SIM1: variants seen among roughly 807,000 people sequenced by gnomAD.
The protein encoded by SIM1 is SIM bHLH transcription factor 1, also known as single-minded homolog 1.
A neutral mutation model predicts 78.2 loss-of-function variants in SIM1; 18 were observed. That is an observed-to-expected ratio of 0.23 (90% CI 0.16 to 0.34). The LOEUF is 0.34. Ranked by LOEUF, SIM1 falls within the 10% of genes least tolerant of loss-of-function variation. The pLI is 1.00. For synonymous variants in SIM1, 417 were observed against 385.2 expected (o/e 1.08, Z -0.97); for missense variants, 939 against 975.1 (o/e 0.96, Z 0.49).
chr6:100,396,276 A>G (rs1770764457), intron 10 of SIM1, among the ~76,000 whole-genome samples: 1 of 152,018 alleles, frequency 6.6e-6, no homozygotes, highest in Non-Finnish European at 1.5e-5. Flanking sequence ...GGAGTTGCCC[A>G]GATTCTGCTT....
chr6:100,449,284 G>T, intron 6 of SIM1, 79 bp downstream of exon 6: 1 of 1,215,794 alleles, frequency 8.2e-7, no homozygotes, highest in Non-Finnish European at 1.2e-6. Context: ...CCAGAGGTAG[G>T]GACATTCCTC....
At chr6:100,394,581 C>A (rs532948728) in intron 10 of SIM1, among the ~76,000 whole-genome samples, 2 of 151,998 alleles carry the variant, frequency 1.3e-5, no homozygotes, top group Admixed American at 6.5e-5. Context: ...TTTTTAAATT[C>A]TTTGGTAGAG....
rs201709438 is a variant in SIM1 at position 100,424,565 on chromosome 6, T to C, written c.999-3607A>G. On this transcript the variant is annotated intron_variant, in intron 9 of 11. Transcript: ENST00000369208. ...ATCCTCCCACCTCAGCCTCCCAAGT[T>C]GCTGGGACTACAGGCATGCACCACC... is the stretch of plus-strand genomic sequence containing the variant. Among the ~76,000 whole-genome samples, 27 of 152,068 alleles carry C rather than the reference T, an allele frequency of 1.8e-4. No homozygotes were observed. The East Asian group carries it at 4.8e-3, about 27-fold the overall frequency.
chr6:100,441,543 T>C (rs766550606), intron 9 of SIM1, among the ~76,000 whole-genome samples: 3 of 152,222 alleles, frequency 2.0e-5, no homozygotes, highest in Non-Finnish European at 4.4e-5. Context: ...CTCTTTTGTT[T>C]AGCAAAAACA....
rs774727863 is a variant in SIM1 at position 100,453,744 on chromosome 6, G to A, written c.258+18C>T. ...GACCCTCAAAGCTTATGTGTTGCCGGAAGACCTGCACCTGTACCTGGAGCA... is the reference window on the plus strand; with the variant it reads ...GACCCTCAAAGCTTATGTGTTGCCGAAAGACCTGCACCTGTACCTGGAGCA... On this transcript the variant is annotated intron_variant, in intron 3 of 11. Coordinates refer to ENST00000369208, the MANE Select transcript of SIM1 (RefSeq NM_005068.3). 6.3e-7 allele frequency: 1 copy of A among 1,597,596 alleles called. No individual in the cohort carries two copies. The highest frequency in any genetic ancestry group is 1.1e-5 in the South Asian group (1 of 89,624).
At chr6:100,408,190 T>C (rs899005805) in intron 10 of SIM1, among the ~76,000 whole-genome samples, 2 of 152,100 alleles carry the variant, frequency 1.3e-5, no homozygotes, top group African/African-American at 4.8e-5. Flanking sequence ...CCCAGCACAA[T>C]TTATTGAAAA....
At chr6:100,401,989 G>A (rs1355875266) in intron 10 of SIM1, among the ~76,000 whole-genome samples, 1 of 152,158 alleles carries the variant, frequency 6.6e-6, no homozygotes, top group African/African-American at 2.4e-5. Flanking sequence ...CATTTCATAT[G>A]ACTTGTGCAA....
intron 10 of SIM1, among the ~76,000 whole-genome samples, chr6:100,406,040 A>G (rs1562236676): frequency 6.6e-6 from 1 of 152,246 alleles, no homozygotes; most frequent in Non-Finnish European, 1.5e-5. Context: ...TCAGGTAACA[A>G]TAAATTAGAA....
In SIM1 at chr6:100,385,861, G is replaced by C. The variant is rs1221816904; in HGVS notation, c.*4500C>G. 1.3e-5 allele frequency: 2 copies of C among 151,852 alleles called. No homozygotes were observed. Among genetic ancestry groups the C allele is most frequent in the African/African-American group, 4.8e-5 (2 of 41,354 alleles). 9.4% of individuals were successfully genotyped at this position (151,852 alleles called of 1,614,324 possible). On this transcript the variant is annotated 3_prime_UTR_variant, in exon 12 of 12. Coordinates refer to ENST00000369208, the MANE Select transcript of SIM1 (RefSeq NM_005068.3). ...GGCAATGACCACACTCTCACTTTTT[G>C]AGTTAAGCACTATCTGTACAACCCT...
At position 100,390,128 on chromosome 6, in the gene SIM1, G is replaced by A; in HGVS notation, c.*233C>T. 1 of 540,476 alleles carries A rather than the reference G, an allele frequency of 1.9e-6. No homozygotes were observed. The highest frequency in any genetic ancestry group is 3.1e-5 in the East Asian group (1 of 32,370). 33.5% of individuals were successfully genotyped at this position (540,476 alleles called of 1,614,324 possible). A position where few individuals can be genotyped will look rare whatever the true frequency, so the allele number is the denominator to read the frequency against. On this transcript the variant is annotated 3_prime_UTR_variant, in exon 12 of 12. Coordinates refer to ENST00000369208, the MANE Select transcript of SIM1 (RefSeq NM_005068.3). ...TTCAAGTCAAAATTTATCTATTCTGGTTCCCATATAATTAGAGGGGAAATT... is the reference window on the plus strand; with the variant it reads ...TTCAAGTCAAAATTTATCTATTCTGATTCCCATATAATTAGAGGGGAAATT...
chr6:100,398,949 G>A (rs1437429237), intron 10 of SIM1, among the ~76,000 whole-genome samples: 1 of 140,960 alleles, frequency 7.1e-6, no homozygotes, highest in Non-Finnish European at 1.6e-5. Context: ...GTGTGTGTGT[G>A]TGTGTGTGTG....
chr6:100,427,156 G>A (rs917235638), intron 9 of SIM1: 1 of 152,238 alleles, frequency 6.6e-6, no homozygotes, highest in Non-Finnish European at 1.5e-5. Context: ...CCGCAGCAGA[G>A]AGACCTACTT....
intron 10 of SIM1, chr6:100,396,051 G>A (rs1477244587): frequency 7.1e-6 from 7 of 979,102 alleles, no homozygotes; most frequent in Non-Finnish European, 8.5e-6. Context: ...CTGGGGCTCG[G>A]TACCTACATC....
intron 9 of SIM1, among the ~76,000 whole-genome samples, chr6:100,436,995 C>T (rs1386712992): frequency 6.6e-6 from 1 of 152,090 alleles, no homozygotes; most frequent in African/African-American, 2.4e-5. Flanking sequence ...CTCAGCCTCT[C>T]AAAGTGCTGG....
intron 10 of SIM1, among the ~76,000 whole-genome samples, chr6:100,401,140 A>G (rs1770904292): frequency 6.6e-6 from 1 of 152,156 alleles, no homozygotes; most frequent in Non-Finnish European, 1.5e-5. Context: ...TCCAGTGGAT[A>G]GTGGATAATG....
At chr6:100,456,736 T>C (rs1244041210) in intron 2 of SIM1, among the ~76,000 whole-genome samples, 18 of 152,244 alleles carry the variant, frequency 1.2e-4, no homozygotes, top group Admixed American at 1.1e-3. Flanking sequence ...TTAGAAGGGA[T>C]GTATCTATTA....
intron 10 of SIM1, among the ~76,000 whole-genome samples, chr6:100,414,684 TATAAA>T (rs1771354854): frequency 6.6e-6 from 1 of 152,220 alleles, no homozygotes; most frequent in Non-Finnish European, 1.5e-5. Flanking sequence ...GGGTGTTACA[TATAAA>T]ACATGAAATG....
At chr6:100,412,579 G>GAA (rs1235387996) in intron 10 of SIM1, among the ~76,000 whole-genome samples, 2 of 87,370 alleles carry the variant, frequency 2.3e-5, no homozygotes, top group African/African-American at 8.2e-5. Flanking sequence ...AAGAAAGAAA[G>GAA]AAAGAAAGAA....
chr6:100,447,954 G>T (rs1240755778), intron 8 of SIM1, among the ~76,000 whole-genome samples, 192 bp downstream of exon 8: 1 of 152,246 alleles, frequency 6.6e-6, no homozygotes, highest in Non-Finnish European at 1.5e-5. Context: ...TATATTAGCG[G>T]CCCGCGGATG....
Sources: gnomAD v4.1 joint callset for allele counts (sites outside exome capture counted in the v4.1 genomes callset) on GRCh38, gnomAD v4.1.1 for gene constraint, MANE v1.5 for transcripts, NCBI Gene and HGNC (gene_info 2026-07-23, HGNC 2026-07-21) for gene names.